GRM8: variants seen among roughly 807,000 people sequenced by gnomAD.
GRM8 encodes glutamate metabotropic receptor 8, also known as metabotropic glutamate receptor 8.
In GRM8, 47 loss-of-function variants were observed where a neutral mutation model predicts 87.2. That is an observed-to-expected ratio of 0.54 (90% CI 0.43 to 0.69). The LOEUF is 0.69. Ranked by LOEUF, GRM8 falls within the 30% of genes least tolerant of loss-of-function variation. The pLI is 0.00. For missense variants in GRM8, 1,019 were observed against 1,139.2 expected (o/e 0.89, Z 1.52); for synonymous variants, 396 against 404.5 (o/e 0.98, Z 0.25).
intron 6 of GRM8, among the ~76,000 whole-genome samples, chr7:126,890,601 C>T (rs1260625693): frequency 1.3e-5 from 2 of 152,028 alleles, no homozygotes; most frequent in Non-Finnish European, 2.9e-5. Flanking sequence ...TGCCTCCCAC[C>T]CCCTGAGAGA....
chr7:126,665,732 T>C (rs1585431904), intron 7 of GRM8, among the ~76,000 whole-genome samples: 3 of 152,092 alleles, frequency 2.0e-5, no homozygotes, highest in East Asian at 3.9e-4. Flanking sequence ...TTGTACTCCC[T>C]GAATCAAAAA....
chr7:126,625,298 G>A (rs182115855), intron 7 of GRM8, among the ~76,000 whole-genome samples: 2 of 152,152 alleles, frequency 1.3e-5, no homozygotes, highest in East Asian at 3.9e-4. Context: ...CTTCAGAATT[G>A]CACTGGATAA....
intron 6 of GRM8, among the ~76,000 whole-genome samples, chr7:126,854,634 T>G (rs1797511899): frequency 6.6e-6 from 1 of 152,214 alleles, no homozygotes; most frequent in African/African-American, 2.4e-5. Flanking sequence ...TTTATGCAAA[T>G]GTTAAGATTA....
At chr7:126,497,247 A>T (rs1808900324) in intron 9 of GRM8, among the ~76,000 whole-genome samples, 1 of 152,036 alleles carries the variant, frequency 6.6e-6, no homozygotes, top group East Asian at 1.9e-4. Context: ...AGTAATGTGT[A>T]CTGTACTATG....
chr7:127,179,059 T>C (rs937611836), intron 2 of GRM8, among the ~76,000 whole-genome samples: 1 of 152,134 alleles, frequency 6.6e-6, no homozygotes, highest in Non-Finnish European at 1.5e-5. Flanking sequence ...ACTTAAAAGA[T>C]ACAGAACCAC....
intron 9 of GRM8, among the ~76,000 whole-genome samples, chr7:126,454,383 C>T (rs768530688): frequency 1.3e-5 from 2 of 151,580 alleles, no homozygotes; most frequent in African/African-American, 2.4e-5. Flanking sequence ...TGTAGTTTTG[C>T]GAAAGGCACT....
intron 9 of GRM8, among the ~76,000 whole-genome samples, chr7:126,449,255 C>A (rs1293295057): frequency 2.6e-5 from 4 of 151,784 alleles, no homozygotes; most frequent in African/African-American, 7.2e-5. Flanking sequence ...TCCCAGGCTA[C>A]AATCTAAACC....
At chr7:126,661,660 C>T (rs999318386) in intron 7 of GRM8, among the ~76,000 whole-genome samples, 1 of 152,112 alleles carries the variant, frequency 6.6e-6, no homozygotes, top group Non-Finnish European at 1.5e-5. Flanking sequence ...TCTGCACTGT[C>T]GCAAATGGGC....
chr7:126,615,931 CT>C (rs1799440538), intron 7 of GRM8, among the ~76,000 whole-genome samples: 1 of 152,082 alleles, frequency 6.6e-6, no homozygotes, highest in African/African-American at 2.4e-5. Context: ...TAATGGGAGA[CT>C]TTAACACCCC....
At chr7:126,527,456 G>T (rs746388919) in intron 9 of GRM8, among the ~76,000 whole-genome samples, 2 of 152,222 alleles carry the variant, frequency 1.3e-5, no homozygotes, top group Admixed American at 1.3e-4. Context: ...ATACAATGTG[G>T]ATACTGATAA....
rs17864085 is a variant in GRM8 at position 126,952,747 on chromosome 7, G to A, written c.728-48064C>T. 2.0e-3 allele frequency among the ~76,000 whole-genome samples: 300 copies of A among 152,004 alleles called. 2 individuals are homozygous for A. Among genetic ancestry groups the A allele is most frequent in the Middle Eastern group, 0.01 (3 of 294 alleles). ...AAACACCAGACAAGCCCAAATTGAG[G>A]GGAATTTGGCAAAATAAGTATTCTA... On this transcript the variant is annotated intron_variant, in intron 3 of 10. Coordinates refer to ENST00000339582, the MANE Select transcript of GRM8 (RefSeq NM_000845.3).
At chr7:126,557,965 G>C (rs1263282471) in intron 8 of GRM8, among the ~76,000 whole-genome samples, 3 of 134,730 alleles carry the variant, frequency 2.2e-5, no homozygotes, top group East Asian at 4.9e-4. Context: ...AATCAGAAGA[G>C]AATAATTTTT....
intron 6 of GRM8, among the ~76,000 whole-genome samples, chr7:126,813,766 AG>A (rs1444987817): frequency 1.3e-5 from 2 of 152,080 alleles, no homozygotes; most frequent in African/African-American, 2.4e-5. Context: ...CTTGCTGAAA[AG>A]CTACAGCCTT....
At chr7:126,476,340 C>T (rs1457534923) in intron 9 of GRM8, among the ~76,000 whole-genome samples, 1 of 152,062 alleles carries the variant, frequency 6.6e-6, no homozygotes, top group Admixed American at 6.6e-5. Context: ...TTACTTGAGC[C>T]CAGGGGTTCG....
intron 8 of GRM8, among the ~76,000 whole-genome samples, chr7:126,547,983 A>ACGCCACAAAAAAGATGTGAATC (rs1817344713): frequency 6.6e-6 from 1 of 152,092 alleles, no homozygotes; most frequent in Non-Finnish European, 1.5e-5. Context: ...AATAGGAGAT[A>ACGCCACAAAAAAGATGTGAATC]CGCCACAAAA....
At chr7:127,046,921 C>T (rs1212511016) in intron 3 of GRM8, among the ~76,000 whole-genome samples, 5 of 152,070 alleles carry the variant, frequency 3.3e-5, no homozygotes, top group Non-Finnish European at 5.9e-5. Flanking sequence ...TGTCATTTTT[C>T]GCTAACTATA....
chr7:127,139,769 A>C lies in GRM8; in HGVS notation c.511-33057T>G, dbSNP rs554063733. ...GAAATTCATGGAAAAAAAGAAATAC[A>C]CAAGTCCTTAACTTTAAGCTCTTTC... On this transcript the variant is annotated intron_variant, in intron 2 of 10. Transcript: ENST00000339582. Among the ~76,000 whole-genome samples, 5 of 152,246 alleles carry C rather than the reference A, an allele frequency of 3.3e-5. No homozygotes were observed. In the East Asian group the frequency reaches 7.7e-4, roughly 24 times the overall value.
intron 2 of GRM8, among the ~76,000 whole-genome samples, chr7:127,189,813 T>C (rs1280533294): frequency 6.6e-6 from 1 of 152,132 alleles, no homozygotes; most frequent in African/African-American, 2.4e-5. Flanking sequence ...GGAGAACCTT[T>C]TGAAAGAAAG....
At chr7:126,466,396 T>C (rs1447825621) in intron 9 of GRM8, among the ~76,000 whole-genome samples, 1 of 151,968 alleles carries the variant, frequency 6.6e-6, no homozygotes, top group East Asian at 1.9e-4. Context: ...AAAAGAAAGA[T>C]TATTTTTCCT....
Sources: gnomAD v4.1 joint callset for allele counts (sites outside exome capture counted in the v4.1 genomes callset) on GRCh38, gnomAD v4.1.1 for gene constraint, MANE v1.5 for transcripts, NCBI Gene and HGNC (gene_info 2026-07-23, HGNC 2026-07-21) for gene names.